DHRSX: variants seen among roughly 807,000 people sequenced by gnomAD.
DHRSX encodes dehydrogenase/reductase X-linked.
Under a neutral mutation model 34.0 loss-of-function variants are expected in DHRSX, and 31 were observed. That is an observed-to-expected ratio of 0.91 (90% CI 0.69 to 1.23). The LOEUF is 1.23. Ranked by LOEUF, DHRSX falls within the 50% of genes most tolerant of loss-of-function variation. The pLI, the probability that DHRSX is intolerant of heterozygous loss-of-function variation, is 0.00. For synonymous variants in DHRSX, 201 were observed against 183.8 expected, an observed-to-expected ratio of 1.09 and a Z score of -0.76; for missense variants, 414 against 428.1, an observed-to-expected ratio of 0.97 and a Z score of 0.29.
chrX:2,372,085 G>A (rs369495352), intron 3 of DHRSX, among the ~76,000 whole-genome samples: 206 of 152,182 alleles, frequency 1.4e-3, no homozygotes, highest in African/African-American at 4.7e-3. Context: ...GGGCACCATC[G>A]TCGGAGAAAT....
intron 3 of DHRSX, among the ~76,000 whole-genome samples, chrX:2,363,950 G>A (rs1320207793): frequency 6.6e-6 from 1 of 151,336 alleles, no homozygotes. Flanking sequence ...CAACACACAG[G>A]GACTGAGGTG....
intron 3 of DHRSX, among the ~76,000 whole-genome samples, chrX:2,380,121 C>T (rs1296567232): frequency 6.6e-6 from 1 of 151,794 alleles, no homozygotes; most frequent in African/African-American, 2.4e-5. Flanking sequence ...ATGGTGAAAC[C>T]CTGTCTCTAC....
intron 3 of DHRSX, among the ~76,000 whole-genome samples, chrX:2,336,196 G>C (rs910147858): frequency 1.3e-5 from 2 of 151,876 alleles, no homozygotes; most frequent in African/African-American, 4.8e-5. Flanking sequence ...TTTTAGTAGA[G>C]ACGGGGTTTC....
At chrX:2,475,719 G>C (rs1468150371) in intron 1 of DHRSX, among the ~76,000 whole-genome samples, 2 of 152,180 alleles carry the variant, frequency 1.3e-5, no homozygotes, top group African/African-American at 4.8e-5. Context: ...ACACACTGAA[G>C]ATGTTCCCTA....
chrX:2,255,937 AAAAC>A (rs1438823778), intron 5 of DHRSX, among the ~76,000 whole-genome samples: 2 of 152,052 alleles, frequency 1.3e-5, no homozygotes, highest in Non-Finnish European at 2.9e-5. Context: ...AAAATAAAAT[AAAAC>A]AAAACAAATT....
chrX:2,485,316 CCT>C (rs2044861014), intron 1 of DHRSX, among the ~76,000 whole-genome samples: 1 of 151,900 alleles, frequency 6.6e-6, no homozygotes, highest in Admixed American at 6.6e-5. Flanking sequence ...AAAATGAACC[CCT>C]TTCAACCCAA....
chrX:2,362,783 G>A (rs111363309), intron 3 of DHRSX, among the ~76,000 whole-genome samples: 193 of 143,520 alleles, frequency 1.3e-3, no homozygotes, highest in African/African-American at 4.9e-3. Context: ...CCGTTCTATG[G>A]TATCATGCCG....
intron 3 of DHRSX, among the ~76,000 whole-genome samples, chrX:2,333,279 A>C (rs1325132389): frequency 2.0e-5 from 3 of 152,216 alleles, no homozygotes; most frequent in Admixed American, 6.5e-5. Context: ...CACGTGGTGC[A>C]GCTGTACAAA....
chrX:2,255,478 TGAA>T (rs1330286238), intron 5 of DHRSX, among the ~76,000 whole-genome samples: 3 of 152,058 alleles, frequency 2.0e-5, no homozygotes, highest in African/African-American at 7.2e-5. Context: ...AATAAAATAA[TGAA>T]GAAGTCACCC....
rs768032121 is a variant in DHRSX, at chrX:2,256,015, C to CT, written c.596+10724dup. Reference sequence around the variant, plus strand: ...ATGATTTTGGAAGGTATGTGTCCCTCTTTTTTTTTTTTTTTTCTCTCCAGG... The same window carrying CT: ...ATGATTTTGGAAGGTATGTGTCCCTCTTTTTTTTTTTTTTTTTCTCTCCAGG... On this transcript the variant is annotated intron_variant, in intron 5 of 6. Coordinates refer to ENST00000334651, the MANE Select transcript of DHRSX (RefSeq NM_145177.3). Among the ~76,000 whole-genome samples the CT allele has an allele frequency of 8.8e-3, 1,232 of 139,954 alleles. 17 individuals carry two copies. The highest frequency in any genetic ancestry group is 0.021 in the African/African-American group (797 of 37,720). 91.8% of individuals were successfully genotyped at this position (139,954 alleles called of 152,430 possible).
chrX:2,301,186 G>A (rs2042004473), intron 3 of DHRSX, among the ~76,000 whole-genome samples: 1 of 152,218 alleles, frequency 6.6e-6, no homozygotes, highest in East Asian at 1.9e-4. Flanking sequence ...GGCTGAGGCG[G>A]GCGATCACCT....
At chrX:2,499,119 C>G (rs1186136667) in intron 1 of DHRSX, among the ~76,000 whole-genome samples, 3 of 152,012 alleles carry the variant, frequency 2.0e-5, no homozygotes, top group Non-Finnish European at 4.4e-5. Context: ...GCGCTGGGAC[C>G]CCTGGGATTC....
intron 1 of DHRSX, among the ~76,000 whole-genome samples, chrX:2,491,849 G>C (rs370217840): frequency 8.5e-5 from 13 of 152,330 alleles, no homozygotes; most frequent in African/African-American, 2.2e-4. Context: ...TGGAGGCTTA[G>C]ATGACCCAGA....
chrX:2,358,131 G>A (rs766599066), intron 3 of DHRSX, among the ~76,000 whole-genome samples: 8 of 152,216 alleles, frequency 5.3e-5, no homozygotes, highest in Admixed American at 3.3e-4. Context: ...GTTGAGAAAC[G>A]GAGTTAGCTA....
chrX:2,485,686 G>C (rs1459629467), intron 1 of DHRSX, among the ~76,000 whole-genome samples: 1 of 75,578 alleles, frequency 1.3e-5, no homozygotes, highest in Non-Finnish European at 2.5e-5. Flanking sequence ...GGAGGAAAGG[G>C]AGGCAGAGAG....
intron 4 of DHRSX, among the ~76,000 whole-genome samples, chrX:2,288,642 A>T (rs1210468049): frequency 2.0e-5 from 3 of 152,222 alleles, no homozygotes; most frequent in African/African-American, 7.2e-5. Flanking sequence ...TAGACTCAGG[A>T]ATTTCACACT....
At chrX:2,302,480 C>T (rs1369887525) in intron 3 of DHRSX, among the ~76,000 whole-genome samples, 1 of 152,174 alleles carries the variant, frequency 6.6e-6, no homozygotes, top group South Asian at 2.1e-4. Context: ...GGCATGGGGT[C>T]AGGCACCTGA....
At chrX:2,297,903 C>T (rs2041953848) in intron 3 of DHRSX, among the ~76,000 whole-genome samples, 1 of 151,832 alleles carries the variant, frequency 6.6e-6, no homozygotes, top group African/African-American at 2.4e-5. Context: ...TTACAGGCAC[C>T]CGCCACCACG....
intron 5 of DHRSX, among the ~76,000 whole-genome samples, chrX:2,265,557 T>C (rs1169696598): frequency 2.2e-5 from 3 of 133,712 alleles, no homozygotes; most frequent in Non-Finnish European, 4.8e-5. Flanking sequence ...AGAGCACCAG[T>C]GCTCAGCAGA....
Sources: allele counts gnomAD v4.1 joint callset (sites outside exome capture counted in the v4.1 genomes callset), GRCh38; gene constraint gnomAD v4.1.1; transcripts MANE v1.5; gene names NCBI Gene and HGNC (gene_info 2026-07-23, HGNC 2026-07-21).